Variants in GAL3ST2 observed in about 807,000 individuals in gnomAD.
GAL3ST2 encodes beta-galactose-3-O-sulfotransferase 2.
Under a neutral mutation model 12.9 loss-of-function variants are expected in GAL3ST2, and 16 were observed. The observed-to-expected ratio is 1.24, with a 90% confidence interval of 0.84 to 1.88. The LOEUF is 1.88. Ranked by LOEUF, GAL3ST2 falls within the 40% of genes most tolerant of loss-of-function variation. GAL3ST2 has a pLI of 0.00. For synonymous variants in GAL3ST2, 302 were observed against 273.9 expected, an observed-to-expected ratio of 1.10 and a Z score of -1.01; for missense variants, 639 against 571.8, an observed-to-expected ratio of 1.12 and a Z score of -1.20.
chr2:241,779,212 TC>T (rs1699533006), intron 1 of GAL3ST2, among the ~76,000 whole-genome samples: 1 of 124,454 alleles, frequency 8.0e-6, no homozygotes, highest in African/African-American at 2.9e-5. Flanking sequence ...CTAGGAAAGC[TC>T]ATTTTTTTTT....
chr2:241,790,991 C>CT (rs1699687417), intron 1 of GAL3ST2, among the ~76,000 whole-genome samples: 1 of 152,214 alleles, frequency 6.6e-6, no homozygotes, highest in Admixed American at 6.5e-5. Context: ...TTAAATTTCC[C>CT]TGTAGTCTGG....
chr2:241,791,660 C>G (rs1699694872), intron 1 of GAL3ST2, among the ~76,000 whole-genome samples: 1 of 152,130 alleles, frequency 6.6e-6, no homozygotes, highest in Non-Finnish European at 1.5e-5. Context: ...TCTGAGATTC[C>G]TCCTATGGAG....
At position 241,803,646 on chromosome 2, in the gene GAL3ST2, T is replaced by G. The variant is rs1362354377; in HGVS notation, c.677T>G (p.Ile226Ser). The G allele has an allele frequency of 1.9e-6, 3 of 1,550,970 alleles. No individual in the cohort carries two copies. The highest frequency in any genetic ancestry group is 2.6e-6 in the Non-Finnish European group (3 of 1,146,968). Residue 226 changes from isoleucine to serine, a missense_variant, in exon 4 of 4, where the codon ATC becomes AGC. Ile to Ser is a moderately radical substitution (Grantham distance 142). Coordinates refer to ENST00000192314, the MANE Select transcript of GAL3ST2 (RefSeq NM_022134.3). ...EVERRFRLVL[I>S]AEHLDESLVL... The stretch of plus-strand genomic sequence containing the variant: ...GAGCGGCGCTTCCGGCTGGTGCTCA[T>G]CGCCGAGCACCTGGACGAGTCCCTG...
At chr2:241,798,532 C>T (rs754564951) in intron 1 of GAL3ST2, among the ~76,000 whole-genome samples, 1 of 152,158 alleles carries the variant, frequency 6.6e-6, no homozygotes, top group Non-Finnish European at 1.5e-5. Context: ...ATTACAGGGA[C>T]TCCACCCGCC....
rs530147776 is a variant in GAL3ST2, at chr2:241,784,235, G to A, written c.29+7251G>A. Among the ~76,000 whole-genome samples the A allele has an allele frequency of 4.6e-5, 7 of 152,154 alleles. No homozygotes were observed. The East Asian group carries it at 9.7e-4, about 21-fold the overall frequency. ...TTTTTATTAGAAACGGCATTTCACC[G>A]TGTTAGCCAGGATGGTCTCGATCTC... On this transcript the variant is annotated intron_variant, in intron 1 of 3. Transcript: ENST00000192314.
chr2:241,801,524 G>A lies in GAL3ST2; in HGVS notation c.120-257G>A, dbSNP rs927513903. 70 of 554,506 alleles carry A rather than the reference G, an allele frequency of 1.3e-4. No individual in the cohort carries two copies. Among genetic ancestry groups the A allele is most frequent in the Admixed American group, 6.9e-5 (2 of 29,014 alleles). 34.3% of individuals were successfully genotyped at this position (554,506 alleles called of 1,614,324 possible). A position where few individuals can be genotyped will look rare whatever the true frequency, so the allele number is the denominator to read the frequency against. On this transcript the variant is annotated intron_variant, in intron 2 of 3. Transcript: ENST00000192314. This position sits in a 1 kb window ranked among gnomAD's most constrained non-coding sequence, Gnocchi z 4.4. ...ATTTAGGGTTTTATTTTTAGTTCTC[G>A]GGGGCACAGGGTTGGGGGAGCATGG...
chr2:241,803,829 ACCGCACCCTCTGGGCGCAGCT>A lies in GAL3ST2; in HGVS notation c.861_881del (p.Asn287_Leu294delinsLys). ...GACTGGCGCCTGTACGAGCATTTCA[ACCGCACCCTCTGGGCGCAGCT>A]GCGCGCCGAGCTGGGGCCGCGGCGG... On this transcript the variant is annotated inframe_deletion, in exon 4 of 4. Coordinates refer to ENST00000192314, the MANE Select transcript of GAL3ST2 (RefSeq NM_022134.3). 7 of 1,487,590 alleles carry A rather than the reference ACCGCACCCTCTGGGCGCAGCT, an allele frequency of 4.7e-6. No homozygotes were observed. The highest frequency in any genetic ancestry group is 6.2e-6 in the Non-Finnish European group (7 of 1,127,394). 92.1% of individuals were successfully genotyped at this position (1,487,590 alleles called of 1,614,324 possible). A position where few individuals can be genotyped will look rare whatever the true frequency, so the allele number is the denominator to read the frequency against.
chr2:241,795,127 C>T lies in GAL3ST2; in HGVS notation c.30-3938C>T, dbSNP rs538879363. The stretch of plus-strand genomic sequence containing the variant: ...GGTGGAACACATCACCCATTTACTG[C>T]CCCACGGTGCTCTGGGTCGGTCACG... On this transcript the variant is annotated intron_variant, in intron 1 of 3. Transcript: ENST00000192314. The surrounding 1 kb of genome is among the most constrained non-coding windows in gnomAD (Gnocchi z 4.5). Among the ~76,000 whole-genome samples, 10 of 152,170 alleles carry T rather than the reference C, an allele frequency of 6.6e-5. 1 individual carries two copies. The South Asian group carries it at 2.1e-3, about 32-fold the overall frequency.
rs765348346 is a variant in GAL3ST2, at chr2:241,792,014, CT to C, written c.30-7037del. On this transcript the variant is annotated intron_variant, in intron 1 of 3. Transcript: ENST00000192314. ...CTGTTTTCTTTTCTTTTCTTTCTTT[CT>C]TTTTTTTTTTTTTCTGAGATGGAGT... Among the ~76,000 whole-genome samples, 593 of 133,862 alleles carry C rather than the reference CT, an allele frequency of 4.4e-3. 1 individual carries two copies. Among genetic ancestry groups the C allele is most frequent in the Non-Finnish European group, 6.6e-3 (413 of 62,690 alleles). 87.8% of individuals were successfully genotyped at this position (133,862 alleles called of 152,430 possible). A position where few individuals can be genotyped will look rare whatever the true frequency, so the allele number is the denominator to read the frequency against.
intron 1 of GAL3ST2, among the ~76,000 whole-genome samples, chr2:241,784,874 A>T (rs1699610277): frequency 6.6e-6 from 1 of 152,262 alleles, no homozygotes; most frequent in African/African-American, 2.4e-5. Context: ...ATCAAATAGC[A>T]AAATTTACAA....
At position 241,801,858 on chromosome 2, in the gene GAL3ST2, C is replaced by T. The variant is rs372108744; in HGVS notation, c.197C>T (p.Thr66Met). Residue 66 changes from threonine (T) to methionine (M), a missense_variant, in exon 3 of 4, where the codon ACG becomes ATG. Transcript: ENST00000192314. This position sits in a 1 kb window ranked among gnomAD's most constrained non-coding sequence, Gnocchi z 4.4. The stretch of plus-strand genomic sequence containing the variant: ...AAGACGCACAAGACGGCCAGCAGCA[C>T]GGTGCTCAACATCCTCTACCGCTTC... ...FLKTHKTASSTVLNILYRFAE... is the reference protein window; with the variant it reads ...FLKTHKTASSMVLNILYRFAE... The T allele has an allele frequency of 2.0e-5, 33 of 1,612,992 alleles. No individual in the cohort carries two copies. The highest frequency in any genetic ancestry group is 3.3e-5 in the South Asian group (3 of 91,088).
chr2:241,787,542 T>C (rs75072890), intron 1 of GAL3ST2, among the ~76,000 whole-genome samples: 15 of 76,228 alleles, frequency 2.0e-4, no homozygotes, highest in South Asian at 1.6e-3. Context: ...TTCTCCTCCT[T>C]TTTTTTTTTT....
intron 1 of GAL3ST2, among the ~76,000 whole-genome samples, chr2:241,782,412 A>C (rs530681728): frequency 6.6e-6 from 1 of 152,112 alleles, no homozygotes; most frequent in African/African-American, 2.4e-5. Context: ...TGCAACCTCC[A>C]CCTCCTGGGT....
intron 1 of GAL3ST2, among the ~76,000 whole-genome samples, chr2:241,791,129 C>T (rs552089642): frequency 6.6e-6 from 1 of 152,328 alleles, no homozygotes; most frequent in African/African-American, 2.4e-5. Context: ...AACTTGGGCA[C>T]ATGTTCTGAG....
chr2:241,799,044 C>T (rs745915224), intron 1 of GAL3ST2, 21 bp from the exon 2 acceptor site: 137 of 1,605,554 alleles, frequency 8.5e-5, no homozygotes, highest in Non-Finnish European at 1.1e-4. Context: ...ACTGGGCACT[C>T]ATGGCCTGCC....
chr2:241,788,752 G>A (rs1699657358), intron 1 of GAL3ST2, among the ~76,000 whole-genome samples: 2 of 152,262 alleles, frequency 1.3e-5, no homozygotes, highest in South Asian at 4.1e-4. Flanking sequence ...CGCATGTAAA[G>A]GCTGATCACC....
Position 241,793,577 on chromosome 2 carries a change from A to ATG in GAL3ST2, c.30-5484_30-5483dup, listed in dbSNP as rs376290278. ...TATGTATGTGTATATGTGTGCGTAT[A>ATG]TGTGTATGTATGTATATGTGTATAT... On this transcript the variant is annotated intron_variant, in intron 1 of 3. Coordinates refer to ENST00000192314, the MANE Select transcript of GAL3ST2 (RefSeq NM_022134.3). This position sits in a 1 kb window ranked among gnomAD's most constrained non-coding sequence, Gnocchi z 4.7. Among the ~76,000 whole-genome samples, 29,401 of 151,272 alleles carry ATG rather than the reference A, an allele frequency of 0.19. 3,230 individuals carry two copies. The highest frequency in any genetic ancestry group is 0.29 in the African/African-American group (12,041 of 41,272).
At chr2:241,791,374 A>G (rs1391618029) in intron 1 of GAL3ST2, among the ~76,000 whole-genome samples, 3 of 152,212 alleles carry the variant, frequency 2.0e-5, no homozygotes, top group Admixed American at 6.5e-5. Context: ...GGTTACTCCA[A>G]TGTACTAAGG....
At position 241,793,398 on chromosome 2, in the gene GAL3ST2, ATATG is replaced by A. The variant is rs971808705; in HGVS notation, c.30-5659_30-5656del. Among the ~76,000 whole-genome samples, 25 of 150,178 alleles carry A rather than the reference ATATG, an allele frequency of 1.7e-4. No homozygotes were observed. Among genetic ancestry groups the A allele is most frequent in the African/African-American group, 3.9e-4 (16 of 40,786 alleles). On this transcript the variant is annotated intron_variant, in intron 1 of 3. Transcript: ENST00000192314. This position sits in a 1 kb window ranked among gnomAD's most constrained non-coding sequence, Gnocchi z 4.7. The stretch of plus-strand genomic sequence containing the variant: ...ATGTATTGTGTATGCATGTGTGTGT[ATATG>A]TATGTATACATGTACGTGTGTATAT...
Sources: allele counts gnomAD v4.1 joint callset (sites outside exome capture counted in the v4.1 genomes callset), GRCh38; gene constraint gnomAD v4.1.1; non-coding constraint Gnocchi (gnomAD v3.1); transcripts MANE v1.5; gene names NCBI Gene and HGNC (gene_info 2026-07-23, HGNC 2026-07-21).